The following ASIC2 variants were observed in gnomAD, a reference collection of about 807,000 sequenced individuals.
The protein encoded by ASIC2 is acid-sensing ion channel 2.
In ASIC2, 25 loss-of-function variants were observed where a neutral mutation model predicts 57.3. The ratio of observed to expected loss-of-function variants is 0.44; its 90% CI spans 0.32 to 0.61. The LOEUF (loss-of-function observed/expected upper bound fraction) is 0.61, where lower values mean the gene tolerates loss of function less well. ASIC2 is among the 20% of genes least tolerant of loss of function. The pLI is 0.06. For synonymous variants in ASIC2, 319 were observed against 307.5 expected, an observed-to-expected ratio of 1.04 and a Z score of -0.39; for missense variants, 641 against 738.1, an observed-to-expected ratio of 0.87 and a Z score of 1.52.
Position 34,082,911 on chromosome 17 carries a change from G to A in ASIC2, c.555+73067C>T, listed in dbSNP as rs1307373455. 3.9e-5 allele frequency among the ~76,000 whole-genome samples: 6 copies of A among 152,264 alleles called. No individual in the cohort carries two copies. In the East Asian group the frequency reaches 1.2e-3, roughly 29 times the overall value. ...CTTCATTTCTTGTCTCCTACAATGG[G>A]AAGAAGTTTTTGAATGCAGGAGCAT... is the stretch of plus-strand genomic sequence containing the variant. On this transcript the variant is annotated intron_variant, in intron 1 of 9. Transcript: ENST00000359872.
chr17:33,046,612 C>A (rs1042204904), intron 3 of ASIC2, among the ~76,000 whole-genome samples: 2 of 152,096 alleles, frequency 1.3e-5, no homozygotes, highest in Admixed American at 1.3e-4. Context: ...CATGCTCCCC[C>A]ACCACAACCT....
At chr17:33,015,021 C>A (rs79810025) in intron 9 of ASIC2, among the ~76,000 whole-genome samples, 3 of 152,174 alleles carry the variant, frequency 2.0e-5, no homozygotes, top group Non-Finnish European at 1.5e-5. Context: ...GATGCCAGAC[C>A]GTGGGCCCCT....
At chr17:34,130,308 T>C (rs890223945) in intron 1 of ASIC2, among the ~76,000 whole-genome samples, 2 of 152,224 alleles carry the variant, frequency 1.3e-5, no homozygotes, top group Non-Finnish European at 2.9e-5. Context: ...ATTCAACCAC[T>C]GCTTTCCAGG....
intron 1 of ASIC2, among the ~76,000 whole-genome samples, chr17:33,507,934 T>C (rs1481590022): frequency 1.3e-5 from 2 of 152,174 alleles, no homozygotes; most frequent in African/African-American, 2.4e-5. Flanking sequence ...ACATTTTTAG[T>C]TGGGATTGTA....
At chr17:33,402,830 A>G (rs1269756290) in intron 1 of ASIC2, among the ~76,000 whole-genome samples, 1 of 152,230 alleles carries the variant, frequency 6.6e-6, no homozygotes, top group Non-Finnish European at 1.5e-5. Flanking sequence ...ATCAAATGGC[A>G]TTTCCAGTTC....
intron 1 of ASIC2, among the ~76,000 whole-genome samples, chr17:33,931,562 T>G (rs1352195291): frequency 6.6e-6 from 1 of 152,228 alleles, no homozygotes; most frequent in Non-Finnish European, 1.5e-5. Context: ...TCTAGCTTGA[T>G]GCAAAGGAGG....
chr17:33,666,940 T>A (rs1907493273), intron 1 of ASIC2, among the ~76,000 whole-genome samples: 1 of 152,224 alleles, frequency 6.6e-6, no homozygotes, highest in Non-Finnish European at 1.5e-5. Flanking sequence ...ATACAATATT[T>A]GGGAAATCCT....
At chr17:33,136,038 C>G (rs781196319) in intron 1 of ASIC2, among the ~76,000 whole-genome samples, 9 of 152,170 alleles carry the variant, frequency 5.9e-5, no homozygotes, top group Admixed American at 1.3e-4. Context: ...CCAAGAGATT[C>G]ATGTCAGTGG....
intron 1 of ASIC2, among the ~76,000 whole-genome samples, chr17:33,806,591 G>A (rs1912274505): frequency 6.6e-6 from 1 of 152,192 alleles, no homozygotes; most frequent in African/African-American, 2.4e-5. Context: ...ATTTAGCAAT[G>A]CAAATCTCTT....
intron 2 of ASIC2, among the ~76,000 whole-genome samples, chr17:33,094,722 G>A (rs1338123021): frequency 6.6e-6 from 1 of 152,134 alleles, no homozygotes; most frequent in Non-Finnish European, 1.5e-5. Flanking sequence ...CCTTATTTTG[G>A]TTGAAAACTG....
intron 1 of ASIC2, among the ~76,000 whole-genome samples, chr17:33,734,308 C>G (rs1567700886): frequency 6.6e-6 from 1 of 152,094 alleles, no homozygotes; most frequent in Admixed American, 6.5e-5. Flanking sequence ...GCCTTTCCTC[C>G]CCTGTGAGGC....
intron 1 of ASIC2, among the ~76,000 whole-genome samples, chr17:33,994,041 A>G (rs978955652): frequency 3.3e-5 from 5 of 152,176 alleles, no homozygotes; most frequent in African/African-American, 1.2e-4. Flanking sequence ...ACAGCGCTCC[A>G]AACTTAGACA....
At chr17:34,103,312 A>G (rs942783124) in intron 1 of ASIC2, among the ~76,000 whole-genome samples, 1 of 151,640 alleles carries the variant, frequency 6.6e-6, no homozygotes, top group Non-Finnish European at 1.5e-5. Context: ...TGCCTGGCCA[A>G]TTTTTTATTT....
chr17:33,211,841 C>A (rs1168703329), intron 1 of ASIC2, among the ~76,000 whole-genome samples: 1 of 152,212 alleles, frequency 6.6e-6, no homozygotes, highest in Non-Finnish European at 1.5e-5. Context: ...GACCACCATA[C>A]CCTCCTTCCC....
intron 1 of ASIC2, among the ~76,000 whole-genome samples, chr17:33,812,585 T>C (rs1438993615): frequency 6.6e-6 from 1 of 151,982 alleles, no homozygotes; most frequent in African/African-American, 2.4e-5. Flanking sequence ...GAGTAGAATG[T>C]AGGAATGATG....
chr17:33,726,242 C>T (rs1051339720), intron 1 of ASIC2, among the ~76,000 whole-genome samples: 4 of 152,140 alleles, frequency 2.6e-5, no homozygotes, highest in Admixed American at 2.6e-4. Flanking sequence ...ACCCAGGGGT[C>T]CTAGCATCCC....
intron 1 of ASIC2, among the ~76,000 whole-genome samples, chr17:33,119,092 A>G (rs1162447494): frequency 1.3e-5 from 2 of 152,196 alleles, no homozygotes; most frequent in African/African-American, 4.8e-5. Context: ...TAAATTATGT[A>G]TAAGCCCCCT....
intron 3 of ASIC2, among the ~76,000 whole-genome samples, chr17:33,054,212 C>T (rs1227257196): frequency 6.6e-6 from 1 of 152,132 alleles, no homozygotes; most frequent in Non-Finnish European, 1.5e-5. Context: ...TATTTATTGC[C>T]TGACATGCCC....
At chr17:33,501,690 C>T (rs1914105543) in intron 1 of ASIC2, among the ~76,000 whole-genome samples, 1 of 152,208 alleles carries the variant, frequency 6.6e-6, no homozygotes, top group Non-Finnish European at 1.5e-5. Context: ...GCTCTGAACA[C>T]CCTGCAGTAA....
Sources: gnomAD v4.1 joint callset for allele counts (sites outside exome capture counted in the v4.1 genomes callset) on GRCh38, gnomAD v4.1.1 for gene constraint, MANE v1.5 for transcripts, NCBI Gene and HGNC (gene_info 2026-07-23, HGNC 2026-07-21) for gene names.